Variants in FAM13A observed in about 807,000 individuals in gnomAD.
FAM13A encodes protein FAM13A.
In FAM13A, 76 loss-of-function variants were observed where a neutral mutation model predicts 129.6. That is an observed-to-expected ratio of 0.59 (90% CI 0.49 to 0.71). The LOEUF (loss-of-function observed/expected upper bound fraction) is 0.71, where lower values mean the gene tolerates loss of function less well. Among genes scored for constraint, FAM13A ranks in the 30% least tolerant of loss-of-function variants. The pLI is 0.00. For synonymous variants in FAM13A, 443 were observed against 449.9 expected (o/e 0.98, Z 0.20); for missense variants, 1,108 against 1,249.3 (o/e 0.89, Z 1.70).
intron 6 of FAM13A, among the ~76,000 whole-genome samples, chr4:88,859,369 G>T (rs1739098954): frequency 6.6e-6 from 1 of 152,160 alleles, no homozygotes; most frequent in African/African-American, 2.4e-5. Flanking sequence ...ATGCACACAG[G>T]AGAGGAGCTG....
rs183503162 is a variant in FAM13A at position 88,938,532 on chromosome 4, T to C, written c.606-291A>G. Among the ~76,000 whole-genome samples, 420 of 152,206 alleles carry C rather than the reference T, an allele frequency of 2.8e-3. 3 individuals are homozygous for C. Among genetic ancestry groups the C allele is most frequent in the South Asian group, 6.2e-3 (30 of 4,826 alleles). On this transcript the variant is annotated intron_variant, in intron 4 of 23. Transcript: ENST00000264344. ...TGAATATATTAAAAATTATTACACATAATAGTTATATAAAAGTAAAAAAAG... is the reference window on the plus strand; with the variant it reads ...TGAATATATTAAAAATTATTACACACAATAGTTATATAAAAGTAAAAAAAG...
chr4:88,726,746 T>C lies in FAM13A; in HGVS notation c.*1787A>G, dbSNP rs991606628. 1 of 152,670 alleles carries C rather than the reference T, an allele frequency of 6.6e-6. No homozygotes were observed. Among genetic ancestry groups the C allele is most frequent in the Non-Finnish European group, 1.5e-5 (1 of 68,048 alleles). 9.5% of individuals were successfully genotyped at this position (152,670 alleles called of 1,614,324 possible). On this transcript the variant is annotated 3_prime_UTR_variant, in exon 24 of 24. Transcript: ENST00000264344. The stretch of plus-strand genomic sequence containing the variant: ...TATTTATAATCTCACTCCTTGAAAT[T>C]ATAGCAATCTGCAATGTAAACAGTA...
At chr4:88,736,844 T>C (rs531657487) in intron 21 of FAM13A, among the ~76,000 whole-genome samples, 1 of 152,324 alleles carries the variant, frequency 6.6e-6, no homozygotes, top group Non-Finnish European at 1.5e-5. Context: ...CTATCAGTCA[T>C]TCACAGCACC....
At chr4:88,809,305 T>A (rs1272781907) in intron 7 of FAM13A, among the ~76,000 whole-genome samples, 1 of 152,168 alleles carries the variant, frequency 6.6e-6, no homozygotes, top group Admixed American at 6.6e-5. Flanking sequence ...TTACTTCAAC[T>A]TTCTAATTGG....
At chr4:88,971,022 C>T (rs1760007546) in intron 4 of FAM13A, among the ~76,000 whole-genome samples, 1 of 152,206 alleles carries the variant, frequency 6.6e-6, no homozygotes, top group Non-Finnish European at 1.5e-5. Flanking sequence ...TCCTGGCTAA[C>T]ATGGTGAAAC....
intron 4 of FAM13A, among the ~76,000 whole-genome samples, chr4:88,971,888 G>T (rs1760132014): frequency 6.6e-6 from 1 of 152,124 alleles, no homozygotes; most frequent in Non-Finnish European, 1.5e-5. Context: ...AGAATATAAA[G>T]AAAACTTTAA....
intron 13 of FAM13A, among the ~76,000 whole-genome samples, chr4:88,766,804 T>C (rs754218359): frequency 3.7e-4 from 56 of 152,218 alleles, no homozygotes; most frequent in Non-Finnish European, 6.6e-4. Context: ...ACGTTCTCTT[T>C]ATATCAAGAG....
chr4:88,750,653 A>G lies in FAM13A; in HGVS notation c.1727-16T>C. 1 of 1,560,890 alleles carries G rather than the reference A, an allele frequency of 6.4e-7. No homozygotes were observed. Among genetic ancestry groups the G allele is most frequent in the Non-Finnish European group, 8.6e-7 (1 of 1,160,244 alleles). On this transcript the variant is annotated splice_polypyrimidine_tract_variant and intron_variant, in intron 14 of 23. Coordinates refer to ENST00000264344, the MANE Select transcript of FAM13A (RefSeq NM_014883.4). ...GGGATAGGCTCTGGAAGATAAGGGC[A>G]GTAAGATCAGGACTGTTCCTGAAAG...
intron 4 of FAM13A, among the ~76,000 whole-genome samples, chr4:88,960,641 A>C (rs1234899555): frequency 1.3e-5 from 2 of 152,188 alleles, no homozygotes; most frequent in Admixed American, 1.3e-4. Flanking sequence ...AAGAACGAAG[A>C]AGCTAGTAGT....
At chr4:88,889,982 A>T (rs1250543293) in intron 6 of FAM13A, among the ~76,000 whole-genome samples, 1 of 152,244 alleles carries the variant, frequency 6.6e-6, no homozygotes, top group Non-Finnish European at 1.5e-5. Flanking sequence ...ACTGGAACAT[A>T]GAGGCCAGTG....
At chr4:88,815,090 G>C (rs1026584361) in intron 7 of FAM13A, among the ~76,000 whole-genome samples, 15 of 152,146 alleles carry the variant, frequency 9.9e-5, no homozygotes, top group African/African-American at 3.6e-4. Context: ...CGATCCTCCT[G>C]CCTCTGCCTA....
chr4:88,936,060 C>T (rs1217426555), intron 5 of FAM13A, among the ~76,000 whole-genome samples: 1 of 152,110 alleles, frequency 6.6e-6, no homozygotes, highest in African/African-American at 2.4e-5. Flanking sequence ...ATTTTATATT[C>T]TTCTTCATCT....
chr4:88,875,902 C>A (rs1365466895), intron 6 of FAM13A, among the ~76,000 whole-genome samples: 2 of 152,150 alleles, frequency 1.3e-5, no homozygotes, highest in Non-Finnish European at 2.9e-5. Context: ...AAATGTCCAA[C>A]AATGATAGAC....
chr4:88,795,662 G>GATAC (rs541627220), intron 8 of FAM13A, among the ~76,000 whole-genome samples: 191 of 151,764 alleles, frequency 1.3e-3, no homozygotes, highest in Non-Finnish European at 2.5e-3. Flanking sequence ...GTATGTCCTC[G>GATAC]ATACTCTGAA....
At chr4:88,882,433 T>C (rs1382710262) in intron 6 of FAM13A, among the ~76,000 whole-genome samples, 1 of 152,062 alleles carries the variant, frequency 6.6e-6, no homozygotes, top group East Asian at 1.9e-4. Flanking sequence ...TGCTGTATTG[T>C]CTTTTTCAGA....
At chr4:88,880,839 T>C (rs1304274877) in intron 6 of FAM13A, among the ~76,000 whole-genome samples, 2 of 102,396 alleles carry the variant, frequency 2.0e-5, no homozygotes, top group African/African-American at 4.0e-5. Flanking sequence ...GCGTGGGAGG[T>C]GAGTGAGGCC....
chr4:88,802,227 A>AT (rs1319552448), intron 8 of FAM13A, among the ~76,000 whole-genome samples: 1 of 152,104 alleles, frequency 6.6e-6, no homozygotes, highest in Non-Finnish European at 1.5e-5. Context: ...GGCATAACCT[A>AT]TTTTTCCTTT....
intron 8 of FAM13A, among the ~76,000 whole-genome samples, chr4:88,797,627 C>T (rs962085001): frequency 3.3e-5 from 5 of 152,068 alleles, no homozygotes; most frequent in African/African-American, 1.2e-4. Context: ...TCCAGTTTCT[C>T]TTTTATCATG....
chr4:88,776,969 A>G (rs1178277062), intron 11 of FAM13A, among the ~76,000 whole-genome samples: 1 of 151,246 alleles, frequency 6.6e-6, no homozygotes, highest in Non-Finnish European at 1.5e-5. Flanking sequence ...GTGAAACTCC[A>G]TCTCAAACAA....
Sources: allele counts gnomAD v4.1 joint callset (sites outside exome capture counted in the v4.1 genomes callset), GRCh38; gene constraint gnomAD v4.1.1; transcripts MANE v1.5; gene names NCBI Gene and HGNC (gene_info 2026-07-23, HGNC 2026-07-21).